The following SH3RF3 variants were observed in gnomAD, a reference collection of about 807,000 sequenced individuals.
SH3RF3 encodes E3 ubiquitin-protein ligase SH3RF3.
In SH3RF3, 29 loss-of-function variants were observed where a neutral mutation model predicts 66.3. The ratio of observed to expected loss-of-function variants is 0.44; its 90% CI spans 0.33 to 0.60. The LOEUF (loss-of-function observed/expected upper bound fraction) is 0.60. SH3RF3 is among the 20% of genes least tolerant of loss of function. SH3RF3 has a pLI of 0.04. For missense variants in SH3RF3, 1,194 were observed against 1,190.9 expected, an observed-to-expected ratio of 1.00 and a Z score of -0.04; for synonymous variants, 583 against 532.0, an observed-to-expected ratio of 1.10 and a Z score of -1.32.
At chr2:109,357,136 T>G (rs1167232770) in intron 2 of SH3RF3, among the ~76,000 whole-genome samples, 2 of 151,034 alleles carry the variant, frequency 1.3e-5, no homozygotes, top group African/African-American at 4.8e-5. Flanking sequence ...CTAATCATAA[T>G]TATGCAGCTT....
chr2:109,196,549 G>A (rs556272848), intron 1 of SH3RF3, among the ~76,000 whole-genome samples: 110 of 152,216 alleles, frequency 7.2e-4, no homozygotes, highest in Non-Finnish European at 1.0e-3. Context: ...AGGTCCGTGG[G>A]TTTGTCGTCC....
chr2:109,170,331 T>C (rs1355894246), intron 1 of SH3RF3, among the ~76,000 whole-genome samples: 18 of 144,544 alleles, frequency 1.2e-4, no homozygotes, highest in African/African-American at 4.7e-4. Flanking sequence ...CTCTCTCTCC[T>C]CTCTCTCTCT....
At chr2:109,382,257 G>T (rs913835349) in intron 3 of SH3RF3, among the ~76,000 whole-genome samples, 1 of 152,146 alleles carries the variant, frequency 6.6e-6, no homozygotes, top group African/African-American at 2.4e-5. Context: ...TAACCATAGG[G>T]TCTGTCTTAG....
chr2:109,244,983 C>A (rs1021643798), intron 1 of SH3RF3, among the ~76,000 whole-genome samples: 1 of 152,228 alleles, frequency 6.6e-6, no homozygotes, highest in Non-Finnish European at 1.5e-5. Context: ...CTATGGAGAA[C>A]TGTGAGTACA....
intron 1 of SH3RF3, among the ~76,000 whole-genome samples, chr2:109,187,492 A>C (rs1678223660): frequency 6.6e-6 from 1 of 152,188 alleles, no homozygotes; most frequent in South Asian, 2.1e-4. Flanking sequence ...TGATAAGATT[A>C]TATCTTTACT....
intron 1 of SH3RF3, among the ~76,000 whole-genome samples, chr2:109,228,152 GC>G (rs1274271557): frequency 1.3e-5 from 2 of 152,142 alleles, no homozygotes; most frequent in Non-Finnish European, 2.9e-5. Flanking sequence ...TGATGTACTT[GC>G]AACGTTTGGC....
chr2:109,177,335 A>T (rs533928636), intron 1 of SH3RF3, among the ~76,000 whole-genome samples: 1 of 152,350 alleles, frequency 6.6e-6, no homozygotes, highest in East Asian at 1.9e-4. Flanking sequence ...TAAGAAAGAT[A>T]CTTAGGGTGG....
intron 1 of SH3RF3, among the ~76,000 whole-genome samples, chr2:109,344,284 G>T (rs1013053013): frequency 6.6e-6 from 1 of 152,228 alleles, no homozygotes; most frequent in Non-Finnish European, 1.5e-5. Context: ...GTGGCTGATG[G>T]GTGCTGATGG....
intron 1 of SH3RF3, among the ~76,000 whole-genome samples, chr2:109,304,934 C>T (rs1681556398): frequency 6.6e-6 from 1 of 152,190 alleles, no homozygotes; most frequent in African/African-American, 2.4e-5. Context: ...GGTTGGGTTT[C>T]TGTCCTGTCT....
At chr2:109,138,170 CACGCCCGGCTA>C (rs1255569939) in intron 1 of SH3RF3, among the ~76,000 whole-genome samples, 1 of 152,300 alleles carries the variant, frequency 6.6e-6, no homozygotes, top group African/African-American at 2.4e-5. Context: ...CGAGCACCAC[CACGCCCGGCTA>C]ACGCCCGGCT....
intron 3 of SH3RF3, among the ~76,000 whole-genome samples, chr2:109,378,418 G>T (rs1427609075): frequency 1.3e-5 from 2 of 152,192 alleles, no homozygotes; most frequent in Non-Finnish European, 2.9e-5. Flanking sequence ...CCTGAGACGG[G>T]GTTGGAACAC....
At chr2:109,390,400 G>A (rs903470350) in intron 3 of SH3RF3, among the ~76,000 whole-genome samples, 1 of 152,176 alleles carries the variant, frequency 6.6e-6, no homozygotes, top group African/African-American at 2.4e-5. Flanking sequence ...TACTTTTATG[G>A]ACTTGGACAC....
intron 1 of SH3RF3, among the ~76,000 whole-genome samples, chr2:109,261,736 G>T (rs896175126): frequency 6.6e-6 from 1 of 152,192 alleles, no homozygotes; most frequent in African/African-American, 2.4e-5. Flanking sequence ...TTGAGAATCA[G>T]TGTAATCGGC....
At chr2:109,456,919 G>C (rs1014629988) in intron 8 of SH3RF3, among the ~76,000 whole-genome samples, 2 of 152,222 alleles carry the variant, frequency 1.3e-5, no homozygotes, top group Non-Finnish European at 2.9e-5. Context: ...TGGCAGGGAC[G>C]AGGGAAGGAG....
intron 1 of SH3RF3, among the ~76,000 whole-genome samples, chr2:109,343,569 CA>C (rs1682606339): frequency 6.6e-6 from 1 of 152,180 alleles, no homozygotes; most frequent in Non-Finnish European, 1.5e-5. Context: ...AAACAGGCCC[CA>C]CCTGAGCCCC....
chr2:109,273,942 A>G (rs998389589), intron 1 of SH3RF3, among the ~76,000 whole-genome samples: 4 of 152,194 alleles, frequency 2.6e-5, no homozygotes, highest in Non-Finnish European at 4.4e-5. Flanking sequence ...CTTTAGGGCT[A>G]TGTGACTTTC....
chr2:109,315,078 G>A (rs1310969450), intron 1 of SH3RF3, among the ~76,000 whole-genome samples: 1 of 152,226 alleles, frequency 6.6e-6, no homozygotes, highest in Non-Finnish European at 1.5e-5. Flanking sequence ...GTTTCCATCA[G>A]TGCAGAAAGT....
intron 1 of SH3RF3, among the ~76,000 whole-genome samples, chr2:109,274,520 A>G (rs1680704143): frequency 1.3e-5 from 2 of 152,262 alleles, no homozygotes; most frequent in African/African-American, 4.8e-5. Flanking sequence ...TGCTCAAAAA[A>G]AGCCAGCCAC....
intron 1 of SH3RF3, among the ~76,000 whole-genome samples, chr2:109,188,441 G>T (rs915911320): frequency 6.6e-6 from 1 of 152,218 alleles, no homozygotes; most frequent in Non-Finnish European, 1.5e-5. Context: ...CCACACAACA[G>T]GTGTGGATGA....
Sources: allele counts gnomAD v4.1 joint callset (sites outside exome capture counted in the v4.1 genomes callset), GRCh38; gene constraint gnomAD v4.1.1; transcripts MANE v1.5; gene names NCBI Gene and HGNC (gene_info 2026-07-23, HGNC 2026-07-21).